Variants in HS6ST3 observed in about 807,000 individuals in gnomAD.
The protein encoded by HS6ST3 is heparan sulfate 6-O-sulfotransferase 3.
A neutral mutation model predicts 36.7 loss-of-function variants in HS6ST3; 12 were observed. That is an observed-to-expected ratio of 0.33 (90% CI 0.21 to 0.53). The LOEUF (loss-of-function observed/expected upper bound fraction) is 0.53, where lower values mean the gene tolerates loss of function less well. HS6ST3 is among the 20% of genes least tolerant of loss of function. The probability of loss-of-function intolerance (pLI) is 0.95; values close to 1 mark genes in which losing one functional copy is unlikely to be tolerated. For missense variants in HS6ST3, 584 were observed against 640.9 expected (o/e 0.91, Z 0.96); for synonymous variants, 240 against 257.5 (o/e 0.93, Z 0.65).
At chr13:96,118,538 A>G (rs368090763) in intron 1 of HS6ST3, among the ~76,000 whole-genome samples, 6 of 151,574 alleles carry the variant, frequency 4.0e-5, no homozygotes, top group South Asian at 2.1e-4. Flanking sequence ...ATGAAACCAT[A>G]TGAAGGAAGT....
intron 1 of HS6ST3, among the ~76,000 whole-genome samples, chr13:96,653,907 G>T (rs2056615768): frequency 1.3e-5 from 2 of 152,140 alleles, no homozygotes; most frequent in Admixed American, 1.3e-4. Flanking sequence ...ATTCTAACTG[G>T]CGTGAGATGG....
chr13:96,158,652 CAAAAAAAAAAA>C lies in HS6ST3; in HGVS notation c.707+67096_707+67106del, dbSNP rs397954592. Among the ~76,000 whole-genome samples the C allele has an allele frequency of 7.3e-5, 5 of 68,904 alleles. 1 individual carries two copies. The highest frequency in any genetic ancestry group is 1.2e-4 in the Non-Finnish European group (5 of 40,100). The allele number at this position is 68,904 out of a possible 152,430, so 45.2% of individuals were successfully genotyped here. A position where few individuals can be genotyped will look rare whatever the true frequency, so the allele number is the denominator to read the frequency against. ...TGGGAGACAGAGCGAGACTCCGTCTCAAAAAAAAAAAAAAAAAAAAAAATAGAGAAGAAGAG... is the reference window on the plus strand; with the variant it reads ...TGGGAGACAGAGCGAGACTCCGTCTCAAAAAAAAAAAATAGAGAAGAAGAG... On this transcript the variant is annotated intron_variant, in intron 1 of 1. Transcript: ENST00000376705.
At chr13:96,668,686 C>CTTTTTTTTTTTTTTTT (rs146033180) in intron 1 of HS6ST3, among the ~76,000 whole-genome samples, 5 of 58,942 alleles carry the variant, frequency 8.5e-5, no homozygotes, top group Non-Finnish European at 1.3e-4. Context: ...TAGTGCCAAC[C>CTTTTTTTTTTTTTTTT]TTTTTTTTTT....
At chr13:96,495,938 G>A (rs1040152956) in intron 1 of HS6ST3, among the ~76,000 whole-genome samples, 6 of 152,312 alleles carry the variant, frequency 3.9e-5, no homozygotes, top group East Asian at 1.9e-4. Flanking sequence ...CAAGACAGGC[G>A]TGAGCAGCAT....
chr13:96,284,484 T>C (rs144476829), intron 1 of HS6ST3, among the ~76,000 whole-genome samples: 1 of 152,300 alleles, frequency 6.6e-6, no homozygotes, highest in East Asian at 1.9e-4. Context: ...GCCAGAGGTC[T>C]AAGTCAGTCT....
intron 1 of HS6ST3, among the ~76,000 whole-genome samples, chr13:96,492,091 C>T (rs181124049): frequency 6.6e-6 from 1 of 152,280 alleles, no homozygotes; most frequent in East Asian, 1.9e-4. Context: ...TCCTCTCTTG[C>T]CTGTGGATTG....
intron 1 of HS6ST3, among the ~76,000 whole-genome samples, chr13:96,136,717 A>G: frequency 7.5e-6 from 1 of 132,898 alleles, no homozygotes; most frequent in East Asian, 2.3e-4. Flanking sequence ...ATATATATAT[A>G]TAGTAAAATG....
intron 1 of HS6ST3, among the ~76,000 whole-genome samples, chr13:96,192,000 A>G (rs1320716331): frequency 6.6e-6 from 1 of 152,150 alleles, no homozygotes; most frequent in Non-Finnish European, 1.5e-5. Flanking sequence ...TGAGCCACAC[A>G]ACCCCAGAGT....
chr13:96,291,798 T>C (rs1176283188), intron 1 of HS6ST3, among the ~76,000 whole-genome samples: 1 of 152,202 alleles, frequency 6.6e-6, no homozygotes, highest in African/African-American at 2.4e-5. Context: ...TAGGCAGGAT[T>C]CTATTCCAAT....
chr13:96,164,078 C>T (rs977644606), intron 1 of HS6ST3, among the ~76,000 whole-genome samples: 1 of 152,038 alleles, frequency 6.6e-6, no homozygotes, highest in Non-Finnish European at 1.5e-5. Context: ...GGCCTTGTTC[C>T]CTATCTTGGG....
chr13:96,660,514 A>G (rs996599278), intron 1 of HS6ST3, among the ~76,000 whole-genome samples: 1 of 152,172 alleles, frequency 6.6e-6, no homozygotes, highest in Non-Finnish European at 1.5e-5. Flanking sequence ...TATACCATAC[A>G]TAAAAATCAA....
At chr13:96,448,097 G>A (rs981853095) in intron 1 of HS6ST3, among the ~76,000 whole-genome samples, 3 of 152,148 alleles carry the variant, frequency 2.0e-5, no homozygotes, top group Admixed American at 6.5e-5. Flanking sequence ...TATTGCAGCT[G>A]ATTGAAGCCA....
intron 1 of HS6ST3, among the ~76,000 whole-genome samples, chr13:96,811,970 C>T (rs1310458967): frequency 6.6e-6 from 1 of 152,126 alleles, no homozygotes. Flanking sequence ...ACGTTAGAAT[C>T]AGAGCCTGAG....
At chr13:96,623,028 T>G (rs939397561) in intron 1 of HS6ST3, among the ~76,000 whole-genome samples, 5 of 152,244 alleles carry the variant, frequency 3.3e-5, no homozygotes, top group Non-Finnish European at 5.9e-5. Context: ...CTACATCTCA[T>G]AGTTCTATTA....
intron 1 of HS6ST3, among the ~76,000 whole-genome samples, chr13:96,705,486 T>G (rs1445770023): frequency 6.6e-6 from 1 of 152,112 alleles, no homozygotes; most frequent in African/African-American, 2.4e-5. Flanking sequence ...AATCAGAAAT[T>G]ACATATGGGT....
chr13:96,754,526 C>T (rs148794824), intron 1 of HS6ST3, among the ~76,000 whole-genome samples: 109 of 152,242 alleles, frequency 7.2e-4, no homozygotes, highest in African/African-American at 2.5e-3. Context: ...TGAATGAATA[C>T]GGGTGACATC....
chr13:96,740,999 T>C (rs1876424389), intron 1 of HS6ST3, among the ~76,000 whole-genome samples: 1 of 152,206 alleles, frequency 6.6e-6, no homozygotes, highest in Admixed American at 6.5e-5. Context: ...AAAGGCACTT[T>C]GTTAGCATTA....
intron 1 of HS6ST3, among the ~76,000 whole-genome samples, chr13:96,707,467 A>G (rs945137679): frequency 1.3e-5 from 2 of 152,224 alleles, no homozygotes; most frequent in African/African-American, 4.8e-5. Flanking sequence ...AGTAATCTCT[A>G]TCAGTATCTC....
At chr13:96,108,271 C>T (rs1026364499) in intron 1 of HS6ST3, among the ~76,000 whole-genome samples, 1 of 152,140 alleles carries the variant, frequency 6.6e-6, no homozygotes, top group African/African-American at 2.4e-5. Flanking sequence ...CCTGTAGCGC[C>T]CCCAGGCTTG....
Sources: gnomAD v4.1 joint callset for allele counts (sites outside exome capture counted in the v4.1 genomes callset) on GRCh38, gnomAD v4.1.1 for gene constraint, MANE v1.5 for transcripts, NCBI Gene and HGNC (gene_info 2026-07-23, HGNC 2026-07-21) for gene names.